The following FRMD4B variants were observed in gnomAD, a reference collection of about 807,000 sequenced individuals.
FRMD4B encodes FERM domain containing 4B.
In FRMD4B, 74 loss-of-function variants were observed where a neutral mutation model predicts 141.5. The observed-to-expected ratio is 0.52, with a 90% CI of 0.43 to 0.63. The LOEUF is 0.63. Ranked by LOEUF, FRMD4B falls within the 30% of genes least tolerant of loss-of-function variation. The probability of loss-of-function intolerance (pLI) is 0.00; values close to 1 mark genes in which losing one functional copy is unlikely to be tolerated. For synonymous variants in FRMD4B, 506 were observed against 467.9 expected (o/e 1.08, Z -1.05); for missense variants, 1,366 against 1,253.4 (o/e 1.09, Z -1.36).
Position 69,197,002 on chromosome 3 carries a change from G to A in FRMD4B, c.990C>T (p.Gly330=), listed in dbSNP as rs753537942. ...TAGCATACCATGTTTGCACAAACAA[G>A]CCACTTTGCCCAAAGGTTCTTCTTG... ...SVSRRTFGQS[G]LFVQTWYANS... The change falls in exon 13 of 23, where the codon GGC becomes GGT. Residue 330 remains glycine (G), a synonymous_variant. Transcript: ENST00000398540. 3 of 1,607,032 alleles carry A rather than the reference G, an allele frequency of 1.9e-6. No homozygotes were observed. The highest frequency in any genetic ancestry group is 2.2e-5 in the East Asian group (1 of 44,850).
intron 7 of FRMD4B, among the ~76,000 whole-genome samples, chr3:69,242,144 C>A (rs775627577): frequency 2.0e-5 from 3 of 152,028 alleles, no homozygotes; most frequent in Non-Finnish European, 2.9e-5. Context: ...AGAAATGGTT[C>A]CAGAGAGGCT....
At chr3:69,299,232 G>T (rs1701131965) in intron 4 of FRMD4B, among the ~76,000 whole-genome samples, 1 of 152,092 alleles carries the variant, frequency 6.6e-6, no homozygotes, top group African/African-American at 2.4e-5. Context: ...AGCATTTACA[G>T]ATCTATATAG....
At chr3:69,368,316 C>T (rs1383638064) in intron 1 of FRMD4B, among the ~76,000 whole-genome samples, 1 of 152,178 alleles carries the variant, frequency 6.6e-6, no homozygotes, top group African/African-American at 2.4e-5. Flanking sequence ...ATCCTTAGCT[C>T]CCACAGGATA....
intron 1 of FRMD4B, among the ~76,000 whole-genome samples, chr3:69,482,721 G>A (rs145993932): frequency 8.1e-4 from 124 of 152,288 alleles, no homozygotes; most frequent in African/African-American, 2.7e-3. Flanking sequence ...TACATCTTTC[G>A]TCCAGGGACT....
At chr3:69,451,163 A>C (rs1003929076) in intron 1 of FRMD4B, among the ~76,000 whole-genome samples, 6 of 152,176 alleles carry the variant, frequency 3.9e-5, no homozygotes, top group African/African-American at 9.7e-5. Flanking sequence ...TCAGAGGATG[A>C]TGTGTGATTT....
At chr3:69,465,156 T>C (rs1034279220) in intron 1 of FRMD4B, among the ~76,000 whole-genome samples, 2 of 151,900 alleles carry the variant, frequency 1.3e-5, no homozygotes, top group Non-Finnish European at 2.9e-5. Context: ...CCGTCTCTAC[T>C]AAAAATGCAA....
intron 1 of FRMD4B, among the ~76,000 whole-genome samples, chr3:69,492,127 T>C (rs1706309393): frequency 6.6e-6 from 1 of 152,140 alleles, no homozygotes; most frequent in Non-Finnish European, 1.5e-5. Flanking sequence ...TCATCTCTGT[T>C]TTCTATATCT....
chr3:69,323,285 G>A (rs1702069705), intron 1 of FRMD4B, among the ~76,000 whole-genome samples: 1 of 151,976 alleles, frequency 6.6e-6, no homozygotes, highest in Non-Finnish European at 1.5e-5. Flanking sequence ...GGCCTTTTAT[G>A]GCCGGGCGTG....
At chr3:69,288,149 G>A (rs1700753432) in intron 4 of FRMD4B, among the ~76,000 whole-genome samples, 1 of 152,354 alleles carries the variant, frequency 6.6e-6, no homozygotes, top group African/African-American at 2.4e-5. Context: ...AACATGTTCT[G>A]GGAGTTCATA....
chr3:69,293,545 T>G (rs569086522), intron 4 of FRMD4B, among the ~76,000 whole-genome samples: 10 of 151,894 alleles, frequency 6.6e-5, no homozygotes, highest in African/African-American at 2.2e-4. Flanking sequence ...ACTGACTTAG[T>G]TGGGAACATC....
Position 69,470,029 on chromosome 3 carries a change from G to C in FRMD4B, c.-128-37268C>G, listed in dbSNP as rs569401165. 1.6e-4 allele frequency among the ~76,000 whole-genome samples: 25 copies of C among 152,278 alleles called. 1 individual carries two copies. The South Asian group carries it at 5.2e-3, about 32-fold the overall frequency. ...AGAGGTTTGTTGAAATACACCCCAA[G>C]ACACCCAGATGCAAAACACATTAGA... On this transcript the variant is annotated intron_variant, in intron 1 of 5. Coordinates refer to the FRMD4B transcript ENST00000459638.
chr3:69,494,144 C>A (rs926288141), intron 1 of FRMD4B, among the ~76,000 whole-genome samples: 10 of 152,174 alleles, frequency 6.6e-5, no homozygotes, highest in Non-Finnish European at 1.5e-4. Flanking sequence ...CCTCCCTAAG[C>A]ACTGGGATTA....
At chr3:69,519,045 G>T (rs1333637704) in intron 1 of FRMD4B, among the ~76,000 whole-genome samples, 1 of 152,186 alleles carries the variant, frequency 6.6e-6, no homozygotes, top group Non-Finnish European at 1.5e-5. Context: ...TGTTTAACAG[G>T]CACCCCAGTG....
At position 69,181,233 on chromosome 3, in the gene FRMD4B, G is replaced by A; in HGVS notation, c.2517C>T (p.Tyr839=). The change falls in exon 21 of 23, where the codon TAC becomes TAT. Residue 839 remains tyrosine, a synonymous_variant. Transcript: ENST00000398540. The stretch of plus-strand genomic sequence containing the variant: ...CATATCCATAGTGGGCTGAGGACCG[G>A]TAGGAAGGGTTGACACTATACTGTC... ...TEGQYSVNPS[Y]RSSAHYGYER... The A allele has an allele frequency of 6.2e-7, 1 of 1,613,858 alleles. No homozygotes were observed. Among genetic ancestry groups the A allele is most frequent in the Non-Finnish European group, 8.5e-7 (1 of 1,179,772 alleles).
chr3:69,188,964 G>A (rs1288397068), intron 18 of FRMD4B, among the ~76,000 whole-genome samples: 1 of 151,920 alleles, frequency 6.6e-6, no homozygotes, highest in African/African-American at 2.4e-5. Flanking sequence ...GCTCACGCCT[G>A]TAATCCTGGC....
intron 1 of FRMD4B, among the ~76,000 whole-genome samples, chr3:69,374,986 A>C (rs1703927141): frequency 1.3e-5 from 2 of 152,014 alleles, no homozygotes; most frequent in African/African-American, 2.4e-5. Flanking sequence ...TCATCTATTC[A>C]TCCAATTGCC....
At chr3:69,224,837 AG>A (rs2093234915) in intron 7 of FRMD4B, 147 bp from the exon 8 acceptor site, 5 of 580,888 alleles carry the variant, frequency 8.6e-6, no homozygotes, top group Non-Finnish European at 1.5e-5. Flanking sequence ...AACTAGAAGC[AG>A]CCCCCAAATT....
At chr3:69,490,046 A>ATGGC (rs1402563274) in intron 1 of FRMD4B, among the ~76,000 whole-genome samples, 1 of 152,198 alleles carries the variant, frequency 6.6e-6, no homozygotes, top group Non-Finnish European at 1.5e-5. Context: ...ACGTGGACGA[A>ATGGC]TGGCTGTCTA....
At chr3:69,386,269 G>C (rs1466365251), upstream of FRMD4B, 1 of 324,370 alleles carries the variant, frequency 3.1e-6, no homozygotes, top group African/African-American at 2.1e-5. Flanking sequence ...GCTCCACCAA[G>C]CTGGCCCTCG....
Sources: gnomAD v4.1 joint callset for allele counts (sites outside exome capture counted in the v4.1 genomes callset) on GRCh38, gnomAD v4.1.1 for gene constraint, MANE v1.5 for transcripts, NCBI Gene and HGNC (gene_info 2026-07-23, HGNC 2026-07-21) for gene names.